The following ERC1 variants were observed in gnomAD, a reference collection of about 807,000 sequenced individuals.
The protein encoded by ERC1 is ELKS/RAB6-interacting/CAST family member 1.
A neutral mutation model predicts 132.0 loss-of-function variants in ERC1; 56 were observed. That is an observed-to-expected ratio of 0.42 (90% CI 0.34 to 0.53). ERC1 has a LOEUF of 0.53. Ranked by LOEUF, ERC1 falls within the 20% of genes least tolerant of loss-of-function variation. The pLI is 0.03. For missense variants in ERC1, 1,202 were observed against 1,349.9 expected, an observed-to-expected ratio of 0.89 and a Z score of 1.72; for synonymous variants, 478 against 476.1, an observed-to-expected ratio of 1.00 and a Z score of -0.05.
intron 15 of ERC1, among the ~76,000 whole-genome samples, chr12:1,327,557 T>A (rs1481634806): frequency 6.6e-6 from 1 of 152,202 alleles, no homozygotes; most frequent in Non-Finnish European, 1.5e-5. Context: ...AGAAGTCCCC[T>A]TTTTCTCTCC....
intron 12 of ERC1, among the ~76,000 whole-genome samples, chr12:1,214,703 T>C (rs538739055): frequency 7.6e-4 from 106 of 139,486 alleles, no homozygotes; most frequent in East Asian, 8.4e-4. Flanking sequence ...CACACACACA[T>C]ATGTTTGGGG....
At chr12:1,119,815 G>T (rs1946878082) in intron 7 of ERC1, among the ~76,000 whole-genome samples, 1 of 152,060 alleles carries the variant, frequency 6.6e-6, no homozygotes, top group South Asian at 2.1e-4. Flanking sequence ...CACCCAAAGT[G>T]CTGGGATTAC....
intron 16 of ERC1, among the ~76,000 whole-genome samples, chr12:1,376,612 G>A (rs1401906111): frequency 6.6e-6 from 1 of 152,198 alleles, no homozygotes; most frequent in East Asian, 1.9e-4. Context: ...GGATAAAACT[G>A]TGGCTAAATT....
intron 12 of ERC1, among the ~76,000 whole-genome samples, chr12:1,235,599 G>A (rs1302532155): frequency 6.6e-6 from 1 of 152,174 alleles, no homozygotes; most frequent in Non-Finnish European, 1.5e-5. Flanking sequence ...TTCAGCCTAG[G>A]TGGTTAGAAA....
intron 15 of ERC1, among the ~76,000 whole-genome samples, chr12:1,312,922 T>C (rs776665174): frequency 2.5e-4 from 38 of 152,156 alleles, no homozygotes; most frequent in Non-Finnish European, 4.7e-4. Flanking sequence ...TAACTCTCCA[T>C]CATTACTTTT....
At chr12:1,184,446 T>G (rs569225305) in intron 11 of ERC1, among the ~76,000 whole-genome samples, 1 of 152,190 alleles carries the variant, frequency 6.6e-6, no homozygotes, top group East Asian at 1.9e-4. Context: ...CATGAAGGAC[T>G]ATTTGGCGTA....
At chr12:1,432,492 C>G (rs2092826093) in intron 17 of ERC1, among the ~76,000 whole-genome samples, 1 of 152,180 alleles carries the variant, frequency 6.6e-6, no homozygotes, top group Non-Finnish European at 1.5e-5. Context: ...GTGAGGATGT[C>G]AGGTAGTTAC....
intron 14 of ERC1, among the ~76,000 whole-genome samples, chr12:1,279,149 T>A (rs577037902): frequency 1.8e-4 from 27 of 152,300 alleles, no homozygotes; most frequent in African/African-American, 6.0e-4. Flanking sequence ...CTTATTTCTC[T>A]TAAAATATCT....
intron 1 of ERC1, among the ~76,000 whole-genome samples, chr12:1,025,799 T>G (rs1008792246): frequency 1.3e-5 from 2 of 148,736 alleles, no homozygotes; most frequent in South Asian, 2.2e-4. Context: ...GGAAAGTTTT[T>G]TTTTTTTTTT....
intron 1 of ERC1, among the ~76,000 whole-genome samples, chr12:995,690 A>T (rs1363532331): frequency 2.0e-5 from 3 of 152,176 alleles, no homozygotes; most frequent in African/African-American, 7.2e-5. Flanking sequence ...GGACTGATTC[A>T]TTCACTTATT....
intron 16 of ERC1, among the ~76,000 whole-genome samples, chr12:1,397,647 AC>A (rs2090652099): frequency 1.3e-5 from 2 of 152,208 alleles, no homozygotes; most frequent in South Asian, 4.1e-4. Flanking sequence ...GCAAGAAGAA[AC>A]AATTGAAAGA....
chr12:1,346,472 C>A (rs1425335299), intron 15 of ERC1, among the ~76,000 whole-genome samples: 1 of 152,280 alleles, frequency 6.6e-6, no homozygotes, highest in East Asian at 1.9e-4. Flanking sequence ...AAGAGCAACA[C>A]TATTTTTCAC....
chr12:1,296,462 G>A (rs900857021), intron 15 of ERC1, among the ~76,000 whole-genome samples: 1 of 129,796 alleles, frequency 7.7e-6, no homozygotes, highest in African/African-American at 3.0e-5. Flanking sequence ...CCCCCAGGCT[G>A]GAGTGCAGTG....
chr12:1,348,653 A>G (rs1386723136), intron 15 of ERC1, among the ~76,000 whole-genome samples: 1 of 151,868 alleles, frequency 6.6e-6, no homozygotes, highest in Non-Finnish European at 1.5e-5. Context: ...AGATTGTGCC[A>G]CTGCACTCCA....
intron 17 of ERC1, among the ~76,000 whole-genome samples, chr12:1,439,323 C>T (rs754459557): frequency 6.6e-6 from 1 of 152,148 alleles, no homozygotes; most frequent in African/African-American, 2.4e-5. Flanking sequence ...TTCCTAAAGA[C>T]CATCAGTTAT....
intron 12 of ERC1, among the ~76,000 whole-genome samples, chr12:1,195,072 A>AT (rs1392827395): frequency 1.3e-5 from 2 of 151,818 alleles, no homozygotes; most frequent in Non-Finnish European, 2.9e-5. Flanking sequence ...GAGGGGCTCT[A>AT]TAAGAAGTCC....
intron 12 of ERC1, among the ~76,000 whole-genome samples, chr12:1,233,468 CTCAAAAAA>C (rs1283351928): frequency 4.5e-5 from 3 of 66,648 alleles, no homozygotes; most frequent in African/African-American, 2.0e-4. Context: ...GAGACCCTGT[CTCAAAAAA>C]AAAAAAAAAA....
Position 1,462,201 on chromosome 12 carries a change from C to T in ERC1, c.3213+17451C>T, listed in dbSNP as rs145211058. Reference sequence around the variant, plus strand: ...AACAAAACTGACAGTACCAAATGCTCGTGAAGATATGGAGCAACTGGAACT... The same window carrying T: ...AACAAAACTGACAGTACCAAATGCTTGTGAAGATATGGAGCAACTGGAACT... On this transcript the variant is annotated intron_variant, in intron 18 of 18. Coordinates refer to ENST00000360905, the MANE Select transcript of ERC1 (RefSeq NM_178040.4). Among the ~76,000 whole-genome samples, 339 of 152,224 alleles carry T rather than the reference C, an allele frequency of 2.2e-3. 2 individuals are homozygous for T. Among genetic ancestry groups the T allele is most frequent in the African/African-American group, 7.8e-3 (322 of 41,542 alleles).
At chr12:1,032,505 G>C (rs1968237565) in intron 2 of ERC1, among the ~76,000 whole-genome samples, 1 of 152,150 alleles carries the variant, frequency 6.6e-6, no homozygotes, top group Non-Finnish European at 1.5e-5. Context: ...TCAGGGATGT[G>C]ACCTACTCTT....
Sources: allele counts gnomAD v4.1 joint callset (sites outside exome capture counted in the v4.1 genomes callset), GRCh38; gene constraint gnomAD v4.1.1; transcripts MANE v1.5; gene names NCBI Gene and HGNC (gene_info 2026-07-23, HGNC 2026-07-21).